PSD3: variants seen among roughly 807,000 people sequenced by gnomAD.
PSD3 encodes the protein PH and SEC7 domain-containing protein 3.
In PSD3, 49 loss-of-function variants were observed where a neutral mutation model predicts 105.5. That is an observed-to-expected ratio of 0.46 (90% confidence interval 0.37 to 0.59). PSD3 has a LOEUF of 0.59. PSD3 is among the 20% of genes least tolerant of loss of function. The pLI, the probability that PSD3 is intolerant of heterozygous loss-of-function variation, is 0.00. For synonymous variants in PSD3, 557 were observed against 457.8 expected (o/e 1.22, Z -2.77); for missense variants, 1,561 against 1,263.8 (o/e 1.24, Z -3.57).
intron 4 of PSD3, among the ~76,000 whole-genome samples, chr8:18,810,065 T>G (rs1323426641): frequency 6.6e-6 from 1 of 152,190 alleles, no homozygotes; most frequent in South Asian, 2.1e-4. Flanking sequence ...TCCCTCCTAC[T>G]TGAACCACAC....
chr8:18,974,779 A>G (rs999726723), intron 1 of PSD3, among the ~76,000 whole-genome samples: 1 of 152,124 alleles, frequency 6.6e-6, no homozygotes, highest in Non-Finnish European at 1.5e-5. Context: ...AACTGCTGCA[A>G]AGGAGCACAG....
intron 9 of PSD3, among the ~76,000 whole-genome samples, chr8:18,745,121 T>C (rs1255722585): frequency 6.6e-6 from 1 of 152,202 alleles, no homozygotes; most frequent in Non-Finnish European, 1.5e-5. Context: ...TTGGTTAAGG[T>C]GGTATCTTTC....
In PSD3 at chr8:18,949,520, T is replaced by A. The variant is rs187548920; in HGVS notation, c.22-13378A>T. ...TGCATTAATTTCTGTAAGAAATACA[T>A]GTCCCACTTAAATTTCATTAAAGGT... On this transcript the variant is annotated intron_variant, in intron 1 of 15. Transcript: ENST00000327040. Among the ~76,000 whole-genome samples the A allele has an allele frequency of 3.7e-4, 57 of 152,072 alleles. No homozygotes were observed. In the East Asian group the frequency reaches 0.011, roughly 28 times the overall value.
intron 2 of PSD3, among the ~76,000 whole-genome samples, chr8:18,873,170 G>A (rs551349679): frequency 6.6e-6 from 1 of 152,310 alleles, no homozygotes; most frequent in South Asian, 2.1e-4. Flanking sequence ...TGCAGTGCAA[G>A]CTCCGAGACA....
chr8:18,835,514 C>T (rs1814032037), intron 4 of PSD3, among the ~76,000 whole-genome samples: 1 of 152,112 alleles, frequency 6.6e-6, no homozygotes, highest in Non-Finnish European at 1.5e-5. Context: ...TCCCTGCCCT[C>T]GTGGAACTTA....
chr8:18,859,486 C>T (rs767414142), intron 4 of PSD3, among the ~76,000 whole-genome samples: 4 of 152,146 alleles, frequency 2.6e-5, no homozygotes, highest in South Asian at 4.1e-4. Flanking sequence ...TAAGAAAAGG[C>T]GATGCCTCGT....
intron 1 of PSD3, among the ~76,000 whole-genome samples, chr8:19,042,811 G>T (rs986423537): frequency 6.6e-6 from 1 of 152,024 alleles, no homozygotes; most frequent in Non-Finnish European, 1.5e-5. Context: ...TTTTTTAATT[G>T]AAGTACTTAT....
At chr8:18,792,019 T>C (rs373464612) in intron 8 of PSD3, among the ~76,000 whole-genome samples, 1 of 152,078 alleles carries the variant, frequency 6.6e-6, no homozygotes, top group Admixed American at 6.6e-5. Flanking sequence ...TGAGATACCA[T>C]CTCACACCAG....
At position 18,572,385 on chromosome 8, in the gene PSD3, T is replaced by C. The variant is rs191920630; in HGVS notation, c.2784+143A>G. On this transcript the variant is annotated intron_variant, in intron 14 of 15. Transcript: ENST00000327040. ...TGTAAAACCCAGTGTACTGCATATCTGCCTCATTTATATGATACGCTCTCA... is the reference window on the plus strand; with the variant it reads ...TGTAAAACCCAGTGTACTGCATATCCGCCTCATTTATATGATACGCTCTCA... 509 of 999,216 alleles carry C rather than the reference T, an allele frequency of 5.1e-4. 1 individual carries two copies. In the African/African-American group the frequency reaches 7.6e-3, roughly 15 times the overall value. 61.9% of individuals were successfully genotyped at this position (999,216 alleles called of 1,614,324 possible).
At chr8:18,995,897 A>G (rs148878722) in intron 1 of PSD3, among the ~76,000 whole-genome samples, 2 of 152,154 alleles carry the variant, frequency 1.3e-5, no homozygotes, top group Middle Eastern at 3.4e-3. Flanking sequence ...TATGGGAGCT[A>G]CAACTCAAGA....
intron 4 of PSD3, among the ~76,000 whole-genome samples, chr8:18,856,940 G>A (rs1258845263): frequency 6.6e-6 from 1 of 152,198 alleles, no homozygotes; most frequent in African/African-American, 2.4e-5. Flanking sequence ...GACTTAGACA[G>A]AGAATTGACT....
At chr8:18,566,645 G>C (rs1801782681) in intron 14 of PSD3, among the ~76,000 whole-genome samples, 1 of 152,082 alleles carries the variant, frequency 6.6e-6, no homozygotes, top group Non-Finnish European at 1.5e-5. Context: ...GGGTGGCGGA[G>C]ATCATCTCAT....
chr8:18,601,477 T>C (rs994182108), intron 11 of PSD3, among the ~76,000 whole-genome samples: 3 of 152,176 alleles, frequency 2.0e-5, no homozygotes, highest in Non-Finnish European at 4.4e-5. Context: ...CCTTTAAATC[T>C]CTTTTGACTG....
chr8:19,063,687 C>T (rs1284890359), intron 1 of PSD3, among the ~76,000 whole-genome samples: 1 of 152,164 alleles, frequency 6.6e-6, no homozygotes, highest in Admixed American at 6.5e-5. Flanking sequence ...TGTCCTTCTT[C>T]CCTAGAAGTG....
At chr8:18,969,794 A>C (rs1824517233) in intron 1 of PSD3, among the ~76,000 whole-genome samples, 1 of 152,198 alleles carries the variant, frequency 6.6e-6, no homozygotes, top group South Asian at 2.1e-4. Flanking sequence ...CGAGGAGCAA[A>C]TATTTAGGAG....
At chr8:18,566,864 G>C (rs1339518326) in intron 14 of PSD3, among the ~76,000 whole-genome samples, 1 of 152,024 alleles carries the variant, frequency 6.6e-6, no homozygotes, top group Non-Finnish European at 1.5e-5. Context: ...TCTATTTTTG[G>C]TTCCAGTGTA....
chr8:18,788,053 C>A (rs1175131139), intron 8 of PSD3, among the ~76,000 whole-genome samples: 1 of 152,136 alleles, frequency 6.6e-6, no homozygotes, highest in Non-Finnish European at 1.5e-5. Flanking sequence ...TACGATAACA[C>A]TGATTTACAG....
At chr8:18,911,912 T>TAC (rs1229001665) in intron 2 of PSD3, among the ~76,000 whole-genome samples, 1 of 152,164 alleles carries the variant, frequency 6.6e-6, no homozygotes, top group African/African-American at 2.4e-5. Context: ...CGTAACTTAA[T>TAC]ACACACCAAA....
intron 2 of PSD3, among the ~76,000 whole-genome samples, chr8:18,925,398 T>C (rs1234838604): frequency 6.6e-6 from 1 of 151,612 alleles, no homozygotes; most frequent in Admixed American, 6.6e-5. Context: ...AGTATATATA[T>C]ATATATATAC....
Sources: gnomAD v4.1 joint callset for allele counts (sites outside exome capture counted in the v4.1 genomes callset) on GRCh38, gnomAD v4.1.1 for gene constraint, MANE v1.5 for transcripts, NCBI Gene and HGNC (gene_info 2026-07-23, HGNC 2026-07-21) for gene names.